Variants in GSE1 observed in about 807,000 individuals in gnomAD.
The protein encoded by GSE1 is genetic suppressor element 1.
A neutral mutation model predicts 112.6 loss-of-function variants in GSE1; 32 were observed. That is an observed-to-expected ratio of 0.28 (90% CI 0.21 to 0.38). GSE1 has a LOEUF of 0.38. GSE1 is among the 10% of genes least tolerant of loss of function. The pLI is 1.00. For missense variants in GSE1, 2,348 were observed against 1,699.2 expected, an observed-to-expected ratio of 1.38 and a Z score of -6.71; for synonymous variants, 1,115 against 735.6, an observed-to-expected ratio of 1.52 and a Z score of -8.35.
chr16:85,188,209 G>T (rs1032340239), intron 1 of GSE1, among the ~76,000 whole-genome samples: 1 of 152,188 alleles, frequency 6.6e-6, no homozygotes, highest in Non-Finnish European at 1.5e-5. Context: ...ATTCAGACAC[G>T]TGGTCCTTCA....
At chr16:85,170,590 C>T (rs1000562954) in exon 1 of GSE1, 4 of 985,568 alleles carry the variant, frequency 4.1e-6, no homozygotes, top group East Asian at 1.1e-4. Flanking sequence ...CCCCCGGGCT[C>T]TCCAGGACAG....
intron 2 of GSE1, among the ~76,000 whole-genome samples, chr16:85,518,147 C>T (rs1567554415): frequency 6.6e-6 from 1 of 152,244 alleles, no homozygotes; most frequent in Non-Finnish European, 1.5e-5. Context: ...TGCCACGGCC[C>T]CGCCATCCCC....
chr16:85,292,141 C>A (rs1239973392), intron 1 of GSE1, among the ~76,000 whole-genome samples: 1 of 149,784 alleles, frequency 6.7e-6, no homozygotes, highest in African/African-American at 2.5e-5. Flanking sequence ...AAAGAATGAA[C>A]CTTTTTTTTT....
intron 1 of GSE1, among the ~76,000 whole-genome samples, chr16:85,192,318 C>T (rs2074840579): frequency 6.6e-6 from 1 of 152,214 alleles, no homozygotes; most frequent in South Asian, 2.1e-4. Context: ...GTTACTTAAC[C>T]TTTCTGTGCT....
At chr16:85,629,259 C>T (rs1162881079) in intron 1 of GSE1, among the ~76,000 whole-genome samples, 2 of 152,232 alleles carry the variant, frequency 1.3e-5, no homozygotes, top group East Asian at 3.8e-4. Flanking sequence ...GCAACACAGA[C>T]AGCCTAGTTC....
intron 2 of GSE1, among the ~76,000 whole-genome samples, chr16:85,493,208 T>C (rs2151897514): frequency 6.6e-6 from 1 of 152,324 alleles, no homozygotes; most frequent in South Asian, 2.1e-4. Flanking sequence ...TAAGACTCTG[T>C]ATTAGCTGAG....
At chr16:85,500,559 T>A (rs1292531650) in intron 2 of GSE1, among the ~76,000 whole-genome samples, 1 of 152,178 alleles carries the variant, frequency 6.6e-6, no homozygotes, top group Non-Finnish European at 1.5e-5. Context: ...GAGAGGCACG[T>A]CGTGGCAGTG....
At chr16:85,469,751 G>A (rs1236621305) in intron 2 of GSE1, among the ~76,000 whole-genome samples, 2 of 152,182 alleles carry the variant, frequency 1.3e-5, no homozygotes, top group African/African-American at 4.8e-5. Context: ...CAGCCAGGCT[G>A]ACTGGAGGAA....
chr16:85,340,241 C>G (rs892384235), intron 1 of GSE1, among the ~76,000 whole-genome samples: 3 of 152,032 alleles, frequency 2.0e-5, no homozygotes, highest in African/African-American at 7.2e-5. Flanking sequence ...TCCCAGTTAC[C>G]TGGGAGGCTG....
Position 85,386,475 on chromosome 16 carries a change from G to A in GSE1, c.2464+28832G>A, listed in dbSNP as rs1454565794. 5.3e-5 allele frequency among the ~76,000 whole-genome samples: 8 copies of A among 152,306 alleles called. No individual in the cohort carries two copies. In the East Asian group the frequency reaches 9.7e-4, roughly 18 times the overall value. On this transcript the variant is annotated intron_variant, in intron 2 of 2. Transcript: ENST00000637419. ...TGATAGGGTGAGCTGTCGCCATGAC[G>A]GGCTATGTCTGGCAGCTTGGGCACC...
At chr16:85,357,573 C>T (rs1348750157) in exon 2 of GSE1, 4 of 1,288,674 alleles carry the variant, frequency 3.1e-6, no homozygotes, top group African/African-American at 1.5e-5. Context: ...CCAGGATGGC[C>T]CAGGAGCTGA....
exon 1 of GSE1, chr16:85,555,998 C>G (rs930085805): frequency 3.0e-6 from 3 of 984,968 alleles, no homozygotes; most frequent in Non-Finnish European, 3.6e-6. Context: ...AGAAAATACA[C>G]ACGCGGCGAA....
chr16:85,416,719 C>T (rs1457004749), intron 2 of GSE1, among the ~76,000 whole-genome samples: 2 of 152,250 alleles, frequency 1.3e-5, no homozygotes, highest in Admixed American at 6.5e-5. Context: ...AATCCACTTT[C>T]GTGGAATTAC....
intron 2 of GSE1, among the ~76,000 whole-genome samples, chr16:85,385,702 C>T (rs550390246): frequency 6.6e-6 from 1 of 152,340 alleles, no homozygotes; most frequent in Admixed American, 6.5e-5. Flanking sequence ...TTCGCCTCCC[C>T]GCTCTCGCGA....
At chr16:85,561,331 G>C (rs777585874) in intron 1 of GSE1, among the ~76,000 whole-genome samples, 7 of 152,164 alleles carry the variant, frequency 4.6e-5, no homozygotes, top group Non-Finnish European at 8.8e-5. Flanking sequence ...CCGATCCTGG[G>C]CAGTCTGGCT....
At chr16:85,503,038 T>C (rs2051423469) in intron 2 of GSE1, among the ~76,000 whole-genome samples, 1 of 152,076 alleles carries the variant, frequency 6.6e-6, no homozygotes, top group Non-Finnish European at 1.5e-5. Context: ...ACTGAGCTTG[T>C]ATTTGAGGAA....
chr16:85,287,096 G>A (rs1478500953), intron 1 of GSE1, among the ~76,000 whole-genome samples: 4 of 152,220 alleles, frequency 2.6e-5, no homozygotes, highest in South Asian at 2.1e-4. Flanking sequence ...CTGAGCTGGC[G>A]GCGGCAGATG....
chr16:85,189,226 T>A (rs778019775), intron 1 of GSE1, among the ~76,000 whole-genome samples: 86 of 152,374 alleles, frequency 5.6e-4, no homozygotes, highest in Non-Finnish European at 1.1e-3. Context: ...TAGACACTTA[T>A]CTGTATGTAG....
intron 1 of GSE1, among the ~76,000 whole-genome samples, chr16:85,615,357 A>G (rs1275775337): frequency 6.6e-6 from 1 of 152,226 alleles, no homozygotes; most frequent in East Asian, 1.9e-4. Context: ...GTGCTTCCTA[A>G]GAGACTTTCC....
Sources: allele counts gnomAD v4.1 joint callset (sites outside exome capture counted in the v4.1 genomes callset), GRCh38; gene constraint gnomAD v4.1.1; transcripts MANE v1.5; gene names NCBI Gene and HGNC (gene_info 2026-07-23, HGNC 2026-07-21).